The following ZFPM2 variants were observed in gnomAD, a reference collection of about 807,000 sequenced individuals.
ZFPM2 encodes the protein zinc finger protein ZFPM2.
In ZFPM2, 20 loss-of-function variants were observed where a neutral mutation model predicts 98.6. That is an observed-to-expected ratio of 0.20 (90% CI 0.14 to 0.29). The LOEUF (loss-of-function observed/expected upper bound fraction) is 0.29. ZFPM2 is among the 10% of genes least tolerant of loss of function. ZFPM2 has a pLI of 1.00. For missense variants in ZFPM2, 1,310 were observed against 1,388.6 expected (o/e 0.94, Z 0.90); for synonymous variants, 518 against 502.7 (o/e 1.03, Z -0.41).
intron 4 of ZFPM2, among the ~76,000 whole-genome samples, chr8:105,620,406 A>G (rs1164719069): frequency 5.3e-5 from 8 of 152,038 alleles, no homozygotes; most frequent in East Asian, 1.9e-4. Context: ...AAATTTGTTT[A>G]AGTTCTTTGT....
intron 3 of ZFPM2, among the ~76,000 whole-genome samples, chr8:105,494,804 G>C (rs548685953): frequency 2.4e-4 from 36 of 152,202 alleles, no homozygotes; most frequent in African/African-American, 8.4e-4. Flanking sequence ...ACCTTTTTCT[G>C]TTTGAGTCCA....
intron 1 of ZFPM2, among the ~76,000 whole-genome samples, chr8:105,334,118 CTGTGTGTGTGTG>C (rs71305145): frequency 4.2e-5 from 5 of 120,400 alleles, no homozygotes; most frequent in Non-Finnish European, 8.4e-5. Flanking sequence ...TAGTAATAAA[CTGTGTGTGTGTG>C]TGTGTGTGTG....
intron 4 of ZFPM2, among the ~76,000 whole-genome samples, chr8:105,576,725 A>G (rs1457977696): frequency 1.3e-5 from 2 of 152,176 alleles, no homozygotes; most frequent in East Asian, 1.9e-4. Context: ...ATGGCCATTT[A>G]TGTATTTTTA....
At chr8:105,504,968 GT>G (rs1554612299) in intron 3 of ZFPM2, among the ~76,000 whole-genome samples, 2 of 152,010 alleles carry the variant, frequency 1.3e-5, no homozygotes, top group Admixed American at 6.6e-5. Flanking sequence ...ATGATTACCA[GT>G]TTTTTTCTGA....
intron 5 of ZFPM2, among the ~76,000 whole-genome samples, chr8:105,788,185 C>CATT (rs1247511638): frequency 6.6e-6 from 1 of 152,106 alleles, no homozygotes; most frequent in Non-Finnish European, 1.5e-5. Context: ...ACCTGAATTT[C>CATT]ATTTTAATTT....
At chr8:105,653,481 A>G (rs1214005416) in intron 5 of ZFPM2, among the ~76,000 whole-genome samples, 3 of 152,214 alleles carry the variant, frequency 2.0e-5, no homozygotes, top group Admixed American at 1.3e-4. Flanking sequence ...ATGTCTTACT[A>G]CTTAACACAT....
In ZFPM2 at chr8:105,543,582, T is replaced by C. The variant is rs772913484; in HGVS notation, c.302-17781T>C. 6.6e-5 allele frequency among the ~76,000 whole-genome samples: 10 copies of C among 152,184 alleles called. No homozygotes were observed. The East Asian group carries it at 1.9e-3, about 29-fold the overall frequency. ...CTATATTTGTAAGGAATTAAACCAA[T>C]TGGAAGAGTATTAAAAAGGATCTTT... On this transcript the variant is annotated intron_variant, in intron 3 of 7. Transcript: ENST00000407775.
At chr8:105,534,930 T>G (rs1181758150) in intron 3 of ZFPM2, among the ~76,000 whole-genome samples, 3 of 152,168 alleles carry the variant, frequency 2.0e-5, no homozygotes, top group African/African-American at 7.2e-5. Flanking sequence ...AAGAAAAATC[T>G]GTCTATAGTA....
intron 3 of ZFPM2, among the ~76,000 whole-genome samples, chr8:105,500,530 AT>A (rs1813569823): frequency 1.3e-5 from 2 of 152,296 alleles, no homozygotes; most frequent in East Asian, 3.9e-4. Context: ...CTTGACAGCT[AT>A]TGAAAGTAAA....
At chr8:105,610,732 G>A (rs187683142) in intron 4 of ZFPM2, among the ~76,000 whole-genome samples, 4 of 152,240 alleles carry the variant, frequency 2.6e-5, no homozygotes, top group East Asian at 1.9e-4. Flanking sequence ...GTTGAAGTCC[G>A]AAATTCATCC....
At chr8:105,673,259 C>T (rs1408394508) in intron 5 of ZFPM2, among the ~76,000 whole-genome samples, 1 of 112,534 alleles carries the variant, frequency 8.9e-6, no homozygotes, top group African/African-American at 3.4e-5. Flanking sequence ...ACAATCAAGT[C>T]TCATTTTTTT....
chr8:105,789,217 C>A (rs1813519202), intron 6 of ZFPM2, among the ~76,000 whole-genome samples: 1 of 152,044 alleles, frequency 6.6e-6, no homozygotes, highest in Non-Finnish European at 1.5e-5. Context: ...GTATATCTCC[C>A]AATGCTATCC....
At chr8:105,618,249 A>G (rs1192776984) in intron 4 of ZFPM2, among the ~76,000 whole-genome samples, 1 of 152,152 alleles carries the variant, frequency 6.6e-6, no homozygotes, top group Non-Finnish European at 1.5e-5. Flanking sequence ...CATTGCTTTA[A>G]CACCATAGAA....
chr8:105,700,338 A>T (rs1242398038), intron 5 of ZFPM2, among the ~76,000 whole-genome samples: 2 of 152,214 alleles, frequency 1.3e-5, no homozygotes, highest in Non-Finnish European at 2.9e-5. Flanking sequence ...TTACATTAGC[A>T]GACATTTTCT....
intron 5 of ZFPM2, among the ~76,000 whole-genome samples, chr8:105,743,481 A>T (rs546953339): frequency 3.9e-5 from 6 of 152,046 alleles, no homozygotes; most frequent in Admixed American, 3.9e-4. Flanking sequence ...AATAGTGTGG[A>T]CTCACCAGGT....
intron 5 of ZFPM2, among the ~76,000 whole-genome samples, chr8:105,661,049 G>A (rs1472845503): frequency 3.9e-5 from 6 of 152,220 alleles, no homozygotes; most frequent in South Asian, 2.1e-4. Context: ...TTGAATTGCC[G>A]AAATTCAAAC....
intron 2 of ZFPM2, among the ~76,000 whole-genome samples, chr8:105,441,254 T>C (rs1586374188): frequency 6.6e-6 from 1 of 151,848 alleles, no homozygotes; most frequent in East Asian, 1.9e-4. Flanking sequence ...ATTGTGTTTT[T>C]ATTTTCAAAA....
chr8:105,525,463 A>G (rs1450875665), intron 3 of ZFPM2, among the ~76,000 whole-genome samples: 5 of 152,204 alleles, frequency 3.3e-5, no homozygotes, highest in African/African-American at 4.8e-5. Context: ...TGAAAATAGT[A>G]GGCTCATTTA....
chr8:105,446,223 G>A (rs1341377253), intron 3 of ZFPM2, among the ~76,000 whole-genome samples: 1 of 152,112 alleles, frequency 6.6e-6, no homozygotes, highest in African/African-American at 2.4e-5. Flanking sequence ...CCCGGCGATA[G>A]TTCCTTATTC....
Sources: gnomAD v4.1 joint callset for allele counts (sites outside exome capture counted in the v4.1 genomes callset) on GRCh38, gnomAD v4.1.1 for gene constraint, MANE v1.5 for transcripts, NCBI Gene and HGNC (gene_info 2026-07-23, HGNC 2026-07-21) for gene names.